MTHFD1: variants seen among roughly 807,000 people sequenced by gnomAD.
MTHFD1 encodes the protein methylenetetrahydrofolate dehydrogenase, cyclohydrolase and formyltetrahydrofolate synthetase 1, also known as C-1-tetrahydrofolate synthase, cytoplasmic.
Under a neutral mutation model 110.3 loss-of-function variants are expected in MTHFD1, and 44 were observed. The ratio of observed to expected loss-of-function variants is 0.40; its 90% CI spans 0.31 to 0.51. The LOEUF is 0.51. Ranked by LOEUF, MTHFD1 falls within the 20% of genes least tolerant of loss-of-function variation. The pLI, the probability that MTHFD1 is intolerant of heterozygous loss-of-function variation, is 0.60. For synonymous variants in MTHFD1, 402 were observed against 428.8 expected (o/e 0.94, Z 0.77); for missense variants, 909 against 1,173.1 (o/e 0.77, Z 3.29).
chr14:64,458,215 T>C lies in MTHFD1; in HGVS notation c.2720T>C (p.Met907Thr). 1.9e-6 allele frequency: 3 copies of C among 1,607,254 alleles called. No homozygotes were observed. The highest frequency in any genetic ancestry group is 2.6e-6 in the Non-Finnish European group (3 of 1,173,678). Residue 907 changes from methionine (M) to threonine (T), a missense_variant and splice_region_variant, in exon 27 of 28, where the codon ATG becomes ACG. Physicochemically the swap from Met to Thr is moderately conservative, Grantham distance 81 (BLOSUM62 -1). Transcript: ENST00000652337. ...AGFLYPLVGT[M>T]STMPGLPTRP... ...TTGTAATGCTTTTTTACATCCTAGA[T>C]GAGCACAATGCCTGGACTCCCCACC...
At chr14:64,397,880 T>C (rs1333202811) in intron 1 of MTHFD1, among the ~76,000 whole-genome samples, 2 of 152,238 alleles carry the variant, frequency 1.3e-5, no homozygotes, top group Non-Finnish European at 2.9e-5. Flanking sequence ...GCAATGTGTT[T>C]TTTTCTCTGT....
At chr14:64,437,651 C>T (rs2078216636) in intron 16 of MTHFD1, among the ~76,000 whole-genome samples, 1 of 152,236 alleles carries the variant, frequency 6.6e-6, no homozygotes. Flanking sequence ...GTCACCTGTG[C>T]TTCTGACCAA....
At chr14:64,444,548 T>A in intron 21 of MTHFD1, 145 bp from the exon 22 acceptor site, 3 of 866,952 alleles carry the variant, frequency 3.5e-6, no homozygotes, top group African/African-American at 1.7e-5. Flanking sequence ...TCACATACCC[T>A]AAGTCCTTAG....
chr14:64,431,891 A>G lies in MTHFD1; in HGVS notation c.1494+30A>G, dbSNP rs777427789. On this transcript the variant is annotated intron_variant, in intron 15 of 27. Coordinates refer to ENST00000652337, the MANE Select transcript of MTHFD1 (RefSeq NM_005956.4). Reference sequence around the variant, plus strand: ...GCTTTTTTTCTTCCACATTTTTTATATTGTATGGAATCTGGAATCTGATCA... The same window carrying G: ...GCTTTTTTTCTTCCACATTTTTTATGTTGTATGGAATCTGGAATCTGATCA... 3.2e-6 allele frequency: 5 copies of G among 1,577,956 alleles called. No individual in the cohort carries two copies. In the Admixed American group the frequency reaches 8.3e-5, roughly 26 times the overall value.
At chr14:64,447,716 C>T (rs1437691082) in intron 22 of MTHFD1, among the ~76,000 whole-genome samples, 1 of 152,040 alleles carries the variant, frequency 6.6e-6, no homozygotes, top group Non-Finnish European at 1.5e-5. Flanking sequence ...TATTTCCTGG[C>T]AGTATTTACG....
chr14:64,403,803 T>A (rs2077917647), intron 2 of MTHFD1, among the ~76,000 whole-genome samples: 1 of 152,162 alleles, frequency 6.6e-6, no homozygotes, highest in South Asian at 2.1e-4. Context: ...CGCCTTGGCC[T>A]CCCAAAGTCC....
chr14:64,446,667 A>G (rs1243889517), intron 22 of MTHFD1, among the ~76,000 whole-genome samples: 2 of 151,984 alleles, frequency 1.3e-5, no homozygotes, highest in Admixed American at 6.6e-5. Context: ...TCAGCCTCCC[A>G]AGAAGCTGCG....
At position 64,441,472 on chromosome 14, in the gene MTHFD1, G is replaced by T; in HGVS notation, c.1884+19G>T. On this transcript the variant is annotated intron_variant, in intron 19 of 27. Transcript: ENST00000652337. ...ACTGGAGGTGAGCAGAGTGACTCCTGCCTTCTTGAATTGGTTTTGGACAGT... is the reference window on the plus strand; with the variant it reads ...ACTGGAGGTGAGCAGAGTGACTCCTTCCTTCTTGAATTGGTTTTGGACAGT... 1 of 1,613,072 alleles carries T rather than the reference G, an allele frequency of 6.2e-7. No homozygotes were observed. The highest frequency in any genetic ancestry group is 8.5e-7 in the Non-Finnish European group (1 of 1,179,186).
At chr14:64,453,624 T>TTATGTA (rs1193899278) in intron 24 of MTHFD1, 130 bp from the exon 25 acceptor site, 5 of 692,910 alleles carry the variant, frequency 7.2e-6, no homozygotes, top group Non-Finnish European at 1.3e-5. Flanking sequence ...AACTATTTGC[T>TTATGTA]TATGTATATG....
At chr14:64,430,085 TGTGC>T in intron 12 of MTHFD1, 95 bp from the exon 13 acceptor site, 1 of 992,868 alleles carries the variant, frequency 1.0e-6, no homozygotes, top group East Asian at 2.4e-5. Context: ...AATAAATAAA[TGTGC>T]TTAGTAGTTA....
Position 64,415,431 on chromosome 14 carries a change from C to T in MTHFD1, c.314C>T (p.Ser105Leu), listed in dbSNP as rs2078017912. ...HGFLVQLPLD[S>L]ENSINTEEVI... Reference sequence around the variant, plus strand: ...TTCTTAGTGCAGCTACCTTTAGATTCAGAGAATTCCATTAACACTGAAGAA... The same window carrying T: ...TTCTTAGTGCAGCTACCTTTAGATTTAGAGAATTCCATTAACACTGAAGAA... Residue 105 changes from serine (S) to leucine (L), a missense_variant, in exon 5 of 28, where the codon TCA becomes TTA. By Grantham distance (145) the Ser-to-Leu change is moderately radical. Coordinates refer to ENST00000652337, the MANE Select transcript of MTHFD1 (RefSeq NM_005956.4). 1 of 1,613,538 alleles carries T rather than the reference C, an allele frequency of 6.2e-7. No homozygotes were observed. The highest frequency in any genetic ancestry group is 1.3e-5 in the African/African-American group (1 of 74,888).
chr14:64,448,306 G>T lies in MTHFD1; in HGVS notation c.2268G>T (p.Val756=). 1 of 1,612,246 alleles carries T rather than the reference G, an allele frequency of 6.2e-7. No homozygotes were observed. The highest frequency in any genetic ancestry group is 2.2e-5 in the East Asian group (1 of 44,880). Residue 756 remains valine (V), a synonymous_variant, in exon 23 of 28, where the codon GTG becomes GTT. Transcript: ENST00000652337. The part of the protein sequence containing the change: ...RMFGIPVVVA[V]NAFKTDTESE... ...TTGGAATTCCAGTAGTAGTGGCCGT[G>T]AATGCATTCAAGTAAGTGTAGAGTG...
intron 26 of MTHFD1, chr14:64,455,125 C>T (rs1596567652): frequency 2.1e-6 from 1 of 479,004 alleles, no homozygotes; most frequent in Non-Finnish European, 3.8e-6. Flanking sequence ...AATTCTGTTT[C>T]CCAGGGACAG....
chr14:64,444,939 G>A, intron 22 of MTHFD1: 1 of 611,298 alleles, frequency 1.6e-6, no homozygotes, highest in South Asian at 1.8e-5. Flanking sequence ...TCCCACATAG[G>A]GTGTCAATAA....
At chr14:64,447,506 G>C (rs2078301825) in intron 22 of MTHFD1, among the ~76,000 whole-genome samples, 2 of 127,056 alleles carry the variant, frequency 1.6e-5, no homozygotes, top group South Asian at 5.3e-4. Flanking sequence ...ATGGGGTCTT[G>C]TTATGTTTCC....
chr14:64,459,792 G>A lies in MTHFD1; in HGVS notation c.*38G>A. ...CCATCTTCAAGAAGCTACTTTGAAA[G>A]TCTGGCCAGTGTCTATTCAGGCCCA... On this transcript the variant is annotated 3_prime_UTR_variant, in exon 28 of 28. Transcript: ENST00000652337. 6.5e-7 allele frequency: 1 copy of A among 1,535,752 alleles called. No individual in the cohort carries two copies.
chr14:64,406,873 G>A (rs934344729), intron 2 of MTHFD1, among the ~76,000 whole-genome samples: 2 of 152,074 alleles, frequency 1.3e-5, no homozygotes, highest in East Asian at 3.9e-4. Flanking sequence ...ACTACCCTAC[G>A]ATGTAGGAGA....
chr14:64,401,899 G>C (rs1254294101), intron 2 of MTHFD1, among the ~76,000 whole-genome samples: 1 of 152,174 alleles, frequency 6.6e-6, no homozygotes, highest in Non-Finnish European at 1.5e-5. Context: ...TAGTAGAAGA[G>C]AGCTGGAGTC....
chr14:64,434,426 C>T (rs2078187765), intron 15 of MTHFD1, among the ~76,000 whole-genome samples: 1 of 152,034 alleles, frequency 6.6e-6, no homozygotes, highest in Admixed American at 6.6e-5. Context: ...GTGGCATGCA[C>T]CTGTAGTTAT....
Sources: allele counts gnomAD v4.1 joint callset (sites outside exome capture counted in the v4.1 genomes callset), GRCh38; gene constraint gnomAD v4.1.1; transcripts MANE v1.5; gene names NCBI Gene and HGNC (gene_info 2026-07-23, HGNC 2026-07-21).